GRB14: variants seen among roughly 807,000 people sequenced by gnomAD.
GRB14 encodes growth factor receptor bound protein 14, also known as growth factor receptor-bound protein 14.
GRB14 carries 38 observed loss-of-function variants against 69.1 expected under a neutral mutation model. That is an observed-to-expected ratio of 0.55 (90% CI 0.42 to 0.72). GRB14 has a LOEUF of 0.72. GRB14 is among the 30% of genes least tolerant of loss of function. The pLI, the probability that GRB14 is intolerant of heterozygous loss-of-function variation, is 0.00. For missense variants in GRB14, 666 were observed against 666.1 expected (o/e 1.00, Z 0.00); for synonymous variants, 247 against 241.3 (o/e 1.02, Z -0.22).
chr2:164,613,904 T>G (rs1690223807), intron 2 of GRB14, among the ~76,000 whole-genome samples: 1 of 152,188 alleles, frequency 6.6e-6, no homozygotes, highest in South Asian at 2.1e-4. Context: ...TTGCCCCAGT[T>G]TGAAAATGGT....
chr2:164,523,175 G>A (rs1476738855), intron 5 of GRB14, among the ~76,000 whole-genome samples: 6 of 152,034 alleles, frequency 3.9e-5, no homozygotes, highest in Admixed American at 3.3e-4. Flanking sequence ...CTGAGTCAAC[G>A]TGCCTCAGAG....
intron 3 of GRB14, among the ~76,000 whole-genome samples, chr2:164,545,631 A>C (rs879204028): frequency 6.6e-6 from 1 of 152,168 alleles, no homozygotes; most frequent in Non-Finnish European, 1.5e-5. Flanking sequence ...TGTGAGAATA[A>C]ATTTCTGTTG....
intron 8 of GRB14, among the ~76,000 whole-genome samples, chr2:164,506,423 A>C (rs1367729724): frequency 6.6e-6 from 1 of 152,210 alleles, no homozygotes; most frequent in African/African-American, 2.4e-5. Flanking sequence ...AATGACCATA[A>C]TTGACAAGAA....
At chr2:164,576,728 T>C (rs1320144677) in intron 2 of GRB14, among the ~76,000 whole-genome samples, 2 of 150,350 alleles carry the variant, frequency 1.3e-5, no homozygotes, top group African/African-American at 2.4e-5. Context: ...CAAAAATAAA[T>C]TTACTAACAT....
intron 6 of GRB14, among the ~76,000 whole-genome samples, chr2:164,515,066 G>A (rs963682624): frequency 6.6e-6 from 1 of 152,136 alleles, no homozygotes; most frequent in Non-Finnish European, 1.5e-5. Flanking sequence ...CCCTGCCCAA[G>A]GAGAGTCTGA....
chr2:164,569,157 T>A (rs1339274465), intron 2 of GRB14, among the ~76,000 whole-genome samples: 1 of 152,188 alleles, frequency 6.6e-6, no homozygotes, highest in Non-Finnish European at 1.5e-5. Context: ...CATATTTCAT[T>A]CCATTAAAAG....
intron 2 of GRB14, among the ~76,000 whole-genome samples, chr2:164,593,183 T>C (rs749995230): frequency 4.6e-5 from 7 of 152,176 alleles, no homozygotes; most frequent in South Asian, 4.1e-4. Flanking sequence ...AAGACATTAA[T>C]GGAGGCAAAT....
chr2:164,592,706 C>A (rs1325546206), intron 2 of GRB14, among the ~76,000 whole-genome samples: 1 of 152,206 alleles, frequency 6.6e-6, no homozygotes, highest in Non-Finnish European at 1.5e-5. Context: ...CATTGTAAGA[C>A]TTCTCTCTCT....
chr2:164,604,559 C>A (rs1489287323), intron 2 of GRB14, among the ~76,000 whole-genome samples: 1 of 151,054 alleles, frequency 6.6e-6, no homozygotes, highest in Non-Finnish European at 1.5e-5. Context: ...TCCCTCACAG[C>A]AGGAAAAAGG....
chr2:164,510,276 G>GTT (rs1381133317), intron 6 of GRB14, among the ~76,000 whole-genome samples: 1 of 152,082 alleles, frequency 6.6e-6, no homozygotes, highest in Non-Finnish European at 1.5e-5. Context: ...GGTATGATGA[G>GTT]TTTTTTTCTC....
intron 2 of GRB14, among the ~76,000 whole-genome samples, chr2:164,549,666 C>A (rs1057373014): frequency 6.6e-6 from 1 of 151,940 alleles, no homozygotes; most frequent in Non-Finnish European, 1.5e-5. Flanking sequence ...AGTTCAAGAC[C>A]AGCCTGGCCA....
chr2:164,568,963 C>A (rs1163715271), intron 2 of GRB14, among the ~76,000 whole-genome samples: 1 of 151,996 alleles, frequency 6.6e-6, no homozygotes, highest in Non-Finnish European at 1.5e-5. Flanking sequence ...TAATATCTTT[C>A]ATTTCCTAAA....
At chr2:164,535,135 T>C (rs1688048280) in intron 3 of GRB14, among the ~76,000 whole-genome samples, 1 of 152,156 alleles carries the variant, frequency 6.6e-6, no homozygotes, top group Admixed American at 6.5e-5. Flanking sequence ...TAAAGGCTTT[T>C]TCAAAACAAA....
At position 164,492,835 on chromosome 2, in the gene GRB14, T is replaced by C; in HGVS notation, c.*201A>G. The stretch of plus-strand genomic sequence containing the variant: ...AAGTCATTTTTTTCCTAAGGTTTAA[T>C]TTTAACTAATGAATTTTAAATGATG... On this transcript the variant is annotated 3_prime_UTR_variant, in exon 14 of 14. Coordinates refer to ENST00000263915, the MANE Select transcript of GRB14 (RefSeq NM_004490.3). The C allele has an allele frequency of 2.2e-6, 1 of 454,658 alleles. No homozygotes were observed. 28.2% of individuals were successfully genotyped at this position (454,658 alleles called of 1,614,324 possible). A position where few individuals can be genotyped will look rare whatever the true frequency, so the allele number is the denominator to read the frequency against.
chr2:164,510,350 T>C (rs573211423), intron 6 of GRB14, among the ~76,000 whole-genome samples: 1 of 152,304 alleles, frequency 6.6e-6, no homozygotes, highest in South Asian at 2.1e-4. Context: ...TGAACGGGCA[T>C]GGTTAGCAAA....
intron 6 of GRB14, among the ~76,000 whole-genome samples, chr2:164,519,237 GATACAACACATAAACAGAATT>G (rs1216562780): frequency 3.9e-5 from 6 of 152,086 alleles, no homozygotes; most frequent in African/African-American, 1.4e-4. Context: ...CAATAAATGT[GATACAACACATAAACAGAATT>G]TAGAACAAAA....
intron 2 of GRB14, among the ~76,000 whole-genome samples, chr2:164,577,786 T>C (rs1369966093): frequency 2.0e-5 from 3 of 152,160 alleles, no homozygotes; most frequent in African/African-American, 7.2e-5. Flanking sequence ...CAATAAAGAA[T>C]AAGACTTTCT....
At chr2:164,574,915 G>C (rs143060419) in intron 2 of GRB14, among the ~76,000 whole-genome samples, 4 of 151,728 alleles carry the variant, frequency 2.6e-5, no homozygotes, top group African/African-American at 9.7e-5. Flanking sequence ...GGGGAACAGA[G>C]GGAGACCCTA....
At chr2:164,593,331 GTAAA>G (rs1170614592) in intron 2 of GRB14, among the ~76,000 whole-genome samples, 1 of 151,898 alleles carries the variant, frequency 6.6e-6, no homozygotes. Context: ...ATAAAATCAA[GTAAA>G]TAAATGAATG....
Sources: gnomAD v4.1 joint callset for allele counts (sites outside exome capture counted in the v4.1 genomes callset) on GRCh38, gnomAD v4.1.1 for gene constraint, MANE v1.5 for transcripts, NCBI Gene and HGNC (gene_info 2026-07-23, HGNC 2026-07-21) for gene names.